The following EIF4G3 variants were observed in gnomAD, a reference collection of about 807,000 sequenced individuals.
EIF4G3 encodes the protein eukaryotic translation initiation factor 4 gamma 3, also known as eIF-4-gamma 3.
Under a neutral mutation model 186.4 loss-of-function variants are expected in EIF4G3, and 34 were observed. The ratio of observed to expected loss-of-function variants is 0.18; its 90% confidence interval spans 0.14 to 0.24. The LOEUF is 0.24. EIF4G3 is among the 10% of genes least tolerant of loss of function. The pLI is 1.00. For synonymous variants in EIF4G3, 673 were observed against 679.5 expected (o/e 0.99, Z 0.15); for missense variants, 1,536 against 1,948.5 (o/e 0.79, Z 3.99).
At chr1:20,821,560 G>A (rs955663260) in intron 33 of EIF4G3, among the ~76,000 whole-genome samples, 7 of 152,062 alleles carry the variant, frequency 4.6e-5, no homozygotes, top group African/African-American at 9.7e-5. Context: ...TCCCTATTAC[G>A]TATACTTCTC....
rs139017828 is a variant in EIF4G3 at position 20,991,634 on chromosome 1, C to A, written c.177+5967G>T. ...TAGCCACATTTAAAGTGCTCTATAG[C>A]CATGTATATAGCTAGTAGAGCTACA... On this transcript the variant is annotated intron_variant, in intron 7 of 36. Coordinates refer to ENST00000602326, the MANE Select transcript of EIF4G3 (RefSeq NM_001391906.1). Among the ~76,000 whole-genome samples the A allele has an allele frequency of 2.1e-3, 323 of 152,038 alleles. 1 individual carries two copies. The highest frequency in any genetic ancestry group is 7.4e-3 in the African/African-American group (305 of 41,476).
chr1:21,095,661 GC>G (rs1202170583), intron 2 of EIF4G3, among the ~76,000 whole-genome samples: 1 of 151,086 alleles, frequency 6.6e-6, no homozygotes, highest in African/African-American at 2.4e-5. Flanking sequence ...AAAGAGCTTA[GC>G]CAGAAAACCC....
chr1:21,118,788 A>G lies in EIF4G3; in HGVS notation c.-271-29575T>C, dbSNP rs548681277. 2.3e-4 allele frequency among the ~76,000 whole-genome samples: 34 copies of G among 150,356 alleles called. No individual in the cohort carries two copies. The East Asian group carries it at 5.8e-3, about 26-fold the overall frequency. On this transcript the variant is annotated intron_variant, in intron 2 of 36. Transcript: ENST00000602326. ...GCGACAGAGCGAGACTACATCTCAA[A>G]AAAAAAAAAAAAAGAAACAGAAATG...
At chr1:20,906,277 G>T (rs1249196732) in intron 14 of EIF4G3, among the ~76,000 whole-genome samples, 1 of 152,126 alleles carries the variant, frequency 6.6e-6, no homozygotes, top group African/African-American at 2.4e-5. Flanking sequence ...CATATATTCA[G>T]CAGTTGTCTC....
At chr1:20,823,853 A>G (rs2062982689) in intron 33 of EIF4G3, among the ~76,000 whole-genome samples, 4 of 152,158 alleles carry the variant, frequency 2.6e-5, no homozygotes, top group Admixed American at 2.6e-4. Context: ...TTACTTCTTT[A>G]ATTGTATGTT....
At chr1:21,098,544 A>G (rs76311610) in intron 2 of EIF4G3, among the ~76,000 whole-genome samples, 4,785 of 104,994 alleles carry the variant, frequency 0.046, 245 homozygotes, top group African/African-American at 0.12. Context: ...TGTCTCGAAA[A>G]AAAAAAAAAA....
At chr1:20,976,171 ATTTAT>A (rs1456643601) in intron 10 of EIF4G3, among the ~76,000 whole-genome samples, 10 of 125,468 alleles carry the variant, frequency 8.0e-5, no homozygotes, top group Non-Finnish European at 1.1e-4. Context: ...TTTTTATTTT[ATTTAT>A]TTATTTATTT....
intron 12 of EIF4G3, among the ~76,000 whole-genome samples, chr1:20,967,150 A>C (rs1320249284): frequency 2.0e-5 from 3 of 152,214 alleles, no homozygotes; most frequent in African/African-American, 7.2e-5. Context: ...GGGATACCAG[A>C]AGAGGGTGGG....
At chr1:20,874,809 T>TA (rs1327350173) in intron 20 of EIF4G3, among the ~76,000 whole-genome samples, 2 of 152,238 alleles carry the variant, frequency 1.3e-5, no homozygotes, top group African/African-American at 4.8e-5. Context: ...GCCTCCTTGA[T>TA]ATTCTTATAA....
chr1:21,172,431 C>T (rs1036210385), intron 2 of EIF4G3, among the ~76,000 whole-genome samples: 3 of 152,210 alleles, frequency 2.0e-5, no homozygotes, highest in African/African-American at 7.2e-5. Context: ...CTTAGCTCTT[C>T]AATCCTACAT....
At chr1:20,963,793 A>G (rs2073990254) in intron 12 of EIF4G3, among the ~76,000 whole-genome samples, 1 of 152,076 alleles carries the variant, frequency 6.6e-6, no homozygotes, top group African/African-American at 2.4e-5. Flanking sequence ...TGTCTCTACT[A>G]AAAATACAAA....
intron 4 of EIF4G3, among the ~76,000 whole-genome samples, chr1:21,021,838 G>C (rs966902114): frequency 6.6e-6 from 1 of 152,094 alleles, no homozygotes; most frequent in Non-Finnish European, 1.5e-5. Context: ...TTACAGCCAT[G>C]AACCACCGTG....
In EIF4G3 at chr1:20,879,505, C is replaced by T; in HGVS notation, c.2440G>A (p.Val814Ile). 1 of 1,436,904 alleles carries T rather than the reference C, an allele frequency of 7.0e-7. No homozygotes were observed. Among genetic ancestry groups the T allele is most frequent in the Non-Finnish European group, 9.2e-7 (1 of 1,086,422 alleles). 89.0% of individuals were successfully genotyped at this position (1,436,904 alleles called of 1,614,324 possible). ...GTCAATTTATTTAAGATACTTCGAA[C>T]TTTTCTAAAAAGCTCCTAGAAGGGC... Reference protein sequence around the residue: ...NIKTQELFRKVRSILNKLTPQ... With the variant: ...NIKTQELFRKIRSILNKLTPQ... Residue 814 changes from valine to isoleucine, a missense_variant, in exon 20 of 37, where the codon GTT becomes ATT. By Grantham distance (29) the Val-to-Ile change is conservative (BLOSUM62 3). Around this residue, in one of 11 missense-constraint regions of EIF4G3, gnomAD observed 139 missense variants for 192.8 expected, o/e 0.72. Coordinates refer to ENST00000602326, the MANE Select transcript of EIF4G3 (RefSeq NM_001391906.1).
At chr1:20,825,359 T>G (rs2063357097) in intron 32 of EIF4G3, among the ~76,000 whole-genome samples, 161 bp from the exon 33 acceptor site, 1 of 151,908 alleles carries the variant, frequency 6.6e-6, no homozygotes, top group East Asian at 1.9e-4. Context: ...ACCTGTATAG[T>G]CCTAGCTACT....
At chr1:21,146,525 C>G (rs543156781) in intron 2 of EIF4G3, among the ~76,000 whole-genome samples, 1 of 152,158 alleles carries the variant, frequency 6.6e-6, no homozygotes, top group South Asian at 2.1e-4. Flanking sequence ...CTTTGGGAGG[C>G]CAAAGCAGGT....
chr1:21,168,567 C>T (rs1375429941), intron 2 of EIF4G3, among the ~76,000 whole-genome samples: 2 of 151,882 alleles, frequency 1.3e-5, no homozygotes, highest in African/African-American at 4.8e-5. Context: ...GGACTACAGG[C>T]ATGCACTGCC....
intron 14 of EIF4G3, among the ~76,000 whole-genome samples, chr1:20,906,620 AT>A (rs1007242272): frequency 3.3e-5 from 5 of 152,136 alleles, no homozygotes; most frequent in African/African-American, 1.2e-4. Context: ...GAAACAAAAT[AT>A]TTCTTCCTTC....
intron 4 of EIF4G3, among the ~76,000 whole-genome samples, chr1:21,049,796 CAAG>C (rs971756752): frequency 6.6e-6 from 1 of 152,000 alleles, no homozygotes; most frequent in Non-Finnish European, 1.5e-5. Flanking sequence ...GAAGCTGAGG[CAAG>C]AAGATCACTT....
chr1:20,860,890 T>C (rs2076175631), intron 23 of EIF4G3, among the ~76,000 whole-genome samples: 2 of 152,220 alleles, frequency 1.3e-5, no homozygotes, highest in Admixed American at 1.3e-4. Context: ...AAAATAAAAA[T>C]GATGAGGATT....
Sources: gnomAD v4.1 joint callset for allele counts (sites outside exome capture counted in the v4.1 genomes callset) on GRCh38, gnomAD v4.1.1 for gene constraint, gnomAD v4.1.1 regional missense constraint, MANE v1.5 for transcripts, NCBI Gene and HGNC (gene_info 2026-07-23, HGNC 2026-07-21) for gene names.